PKD1L1: variants seen among roughly 807,000 people sequenced by gnomAD.
PKD1L1 encodes the protein polycystin-1-like protein 1.
PKD1L1 carries 236 observed loss-of-function variants against 323.4 expected under a neutral mutation model. The ratio of observed to expected loss-of-function variants is 0.73; its 90% CI spans 0.66 to 0.81. The LOEUF (loss-of-function observed/expected upper bound fraction) is 0.81. Ranked by LOEUF, PKD1L1 falls within the 40% of genes least tolerant of loss-of-function variation. The pLI is 0.00. For missense variants in PKD1L1, 3,320 were observed against 3,508.0 expected (o/e 0.95, Z 1.35); for synonymous variants, 1,344 against 1,335.0 (o/e 1.01, Z -0.15).
At chr7:47,837,300 G>A (rs894617985) in intron 36 of PKD1L1, among the ~76,000 whole-genome samples, 4 of 152,100 alleles carry the variant, frequency 2.6e-5, no homozygotes, top group Admixed American at 6.5e-5. Flanking sequence ...ATCCTGGCTG[G>A]TTAGCTGGGT....
In PKD1L1 at chr7:47,840,655, C is replaced by T. The variant is rs1229666452; in HGVS notation, c.5446-88G>A. 1 of 1,005,618 alleles carries T rather than the reference C, an allele frequency of 9.9e-7. No individual in the cohort carries two copies. Among genetic ancestry groups the T allele is most frequent in the Admixed American group, 1.9e-5 (1 of 52,692 alleles). The allele number at this position is 1,005,618 out of a possible 1,614,324, so 62.3% of individuals were successfully genotyped here. A position where few individuals can be genotyped will look rare whatever the true frequency, so the allele number is the denominator to read the frequency against. On this transcript the variant is annotated intron_variant, in intron 34 of 56. Coordinates refer to ENST00000289672, the MANE Select transcript of PKD1L1 (RefSeq NM_138295.5). The surrounding 1 kb of genome is among the most constrained non-coding windows in gnomAD (Gnocchi z 4.1). ...GGCAGGGCTTCCTCGCACTTTCTCC[C>T]AGCGTCCCACCCTTCCTCAAAACCA...
In PKD1L1 at chr7:47,943,399, CCCACAAT is replaced by C; in HGVS notation, c.150_156del (p.Leu51SerfsTer11). 1 of 1,612,730 alleles carries C rather than the reference CCCACAAT, an allele frequency of 6.2e-7. No individual in the cohort carries two copies. The highest frequency in any genetic ancestry group is 8.5e-7 in the Non-Finnish European group (1 of 1,179,170). On this transcript the variant is annotated frameshift_variant, in exon 2 of 57. Transcript: ENST00000289672. LOFTEE classifies it high-confidence loss of function. ...GCCTCCTTCCCCAAGGCCTTACCGACCCACAATCCACCTCCAGGAGGGCTACAGCTGC... is the reference window on the plus strand; with the variant it reads ...GCCTCCTTCCCCAAGGCCTTACCGACCCACCTCCAGGAGGGCTACAGCTGC...
chr7:47,906,671 A>C (rs1045995431), intron 9 of PKD1L1, among the ~76,000 whole-genome samples: 4 of 152,190 alleles, frequency 2.6e-5, no homozygotes, highest in Non-Finnish European at 5.9e-5. Flanking sequence ...AGGGTTATTT[A>C]TTATTACTAC....
Position 47,858,754 on chromosome 7 carries a change from C to T in PKD1L1, c.4281G>A (p.Trp1427Ter). 1 of 1,614,022 alleles carries T rather than the reference C, an allele frequency of 6.2e-7. No homozygotes were observed. The highest frequency in any genetic ancestry group is 8.5e-7 in the Non-Finnish European group (1 of 1,179,902). The change falls in exon 27 of 57, where the codon TGG becomes TGA. Residue 1427 changes from tryptophan to a stop codon, truncating the protein, a stop_gained. Coordinates refer to ENST00000289672, the MANE Select transcript of PKD1L1 (RefSeq NM_138295.5). LOFTEE classifies it high-confidence loss of function. ...TCGAGTTTTCTTGCTCAGAGACTTC[C>T]CAGACTCTGGATATGAGACCGATGA... ...LELIGLISRV[W>*]EVSEQENSKE...
chr7:47,950,342 T>C (rs980005322), upstream of PKD1L1, among the ~76,000 whole-genome samples: 5 of 152,154 alleles, frequency 3.3e-5, no homozygotes, highest in South Asian at 2.1e-4. Context: ...TGTGATGTTT[T>C]TGAAGCCAGC....
At chr7:47,868,735 C>T (rs1252716569) in intron 24 of PKD1L1, among the ~76,000 whole-genome samples, 5 of 152,034 alleles carry the variant, frequency 3.3e-5, no homozygotes, top group South Asian at 4.2e-4. Context: ...ATTAGCCAGG[C>T]GTCGTGGCAC....
In PKD1L1 at chr7:47,787,048, T is replaced by G. The variant is rs998911627; in HGVS notation, c.8526+5579A>C. Reference sequence around the variant, plus strand: ...TTCTAGTTTATAAAGATACAAATCTTAATTATTAATGGTTAAGATGAAGAA... The same window carrying G: ...TTCTAGTTTATAAAGATACAAATCTGAATTATTAATGGTTAAGATGAAGAA... On this transcript the variant is annotated intron_variant, in intron 56 of 56. Transcript: ENST00000289672. 1.4e-5 allele frequency among the ~76,000 whole-genome samples: 2 copies of G among 147,536 alleles called. 1 individual carries two copies. The highest frequency in any genetic ancestry group is 5.0e-5 in the African/African-American group (2 of 40,130).
At chr7:47,827,241 C>G in intron 45 of PKD1L1, 109 bp downstream of exon 45, 1 of 1,006,044 alleles carries the variant, frequency 9.9e-7, no homozygotes, top group Non-Finnish European at 1.4e-6. Context: ...CCTCCACTCC[C>G]CACTCCTCCA....
chr7:47,901,596 C>G (rs1321266009), intron 13 of PKD1L1, among the ~76,000 whole-genome samples: 1 of 152,216 alleles, frequency 6.6e-6, no homozygotes, highest in Non-Finnish European at 1.5e-5. Flanking sequence ...CCCCAGCACG[C>G]AGACCTGCCC....
In PKD1L1 at chr7:47,884,805, T is replaced by C. The variant is rs557160535; in HGVS notation, c.3206-148A>G. 4.1e-6 allele frequency: 3 copies of C among 724,452 alleles called. No homozygotes were observed. The East Asian group carries it at 8.1e-5, about 20-fold the overall frequency. 44.9% of individuals were successfully genotyped at this position (724,452 alleles called of 1,614,324 possible). On this transcript the variant is annotated intron_variant, in intron 18 of 56. Coordinates refer to ENST00000289672, the MANE Select transcript of PKD1L1 (RefSeq NM_138295.5). ...GTGGATTACAAAATACCCTCAGTGG[T>C]GGTGTCTTCCCTCACTCATGACAGC...
intron 34 of PKD1L1, 37 bp downstream of exon 34, chr7:47,842,925 G>A (rs910931856): frequency 1.8e-5 from 28 of 1,571,446 alleles, no homozygotes; most frequent in Non-Finnish European, 2.4e-5. Flanking sequence ...ACACTGCTTA[G>A]ACACCATCAA....
At chr7:47,867,160 AT>A (rs1344009652) in intron 24 of PKD1L1, among the ~76,000 whole-genome samples, 1 of 152,140 alleles carries the variant, frequency 6.6e-6, no homozygotes, top group Non-Finnish European at 1.5e-5. Context: ...TAAAATAGAA[AT>A]TTTCATCTGG....
intron 36 of PKD1L1, among the ~76,000 whole-genome samples, chr7:47,837,867 G>A (rs758895947): frequency 2.0e-5 from 3 of 152,164 alleles, no homozygotes; most frequent in Admixed American, 1.3e-4. Context: ...GCACAGAAGC[G>A]AATGCCAGAA....
chr7:47,797,590 C>G (rs1784571712), intron 54 of PKD1L1, among the ~76,000 whole-genome samples: 1 of 152,228 alleles, frequency 6.6e-6, no homozygotes, highest in African/African-American at 2.4e-5. Flanking sequence ...CTGCCTGTCT[C>G]AGAAGATAGC....
At chr7:47,777,173 C>T (rs573294843) in intron 56 of PKD1L1, among the ~76,000 whole-genome samples, 8 of 152,244 alleles carry the variant, frequency 5.3e-5, no homozygotes, top group African/African-American at 9.6e-5. Flanking sequence ...ATTACAGGCG[C>T]GAGCCACCAC....
At chr7:47,898,542 A>G (rs938910671) in intron 13 of PKD1L1, among the ~76,000 whole-genome samples, 9 of 152,136 alleles carry the variant, frequency 5.9e-5, no homozygotes, top group African/African-American at 2.2e-4. Flanking sequence ...TATAAATGTT[A>G]TGCTTCTGGG....
At position 47,877,485 on chromosome 7, in the gene PKD1L1, G is replaced by C. The variant is rs374130320; in HGVS notation, c.3663+4C>G. 9 of 1,613,516 alleles carry C rather than the reference G, an allele frequency of 5.6e-6. No individual in the cohort carries two copies. The East Asian group carries it at 1.3e-4, about 24-fold the overall frequency. On this transcript the variant is annotated splice_donor_region_variant and intron_variant, in intron 22 of 56. Coordinates refer to ENST00000289672, the MANE Select transcript of PKD1L1 (RefSeq NM_138295.5). ...TCAGGACAGACATGGGGTTGTCCAC[G>C]TACCGGTTTTCCAGACATGCAGAAG...
rs1159824839 is a variant in PKD1L1 at position 47,885,716 on chromosome 7, G to A, written c.3175C>T (p.Pro1059Ser). ...AGGTGAGGGTCAGGGCTGTGGGTGG[G>A]CTGACTTCTCTCAGAGCGGCCAGTC... ...LMTGRSERSQ[P>S]THSPDPHLSD... Residue 1059 changes from proline to serine, a missense_variant, in exon 18 of 57, where the codon CCC (proline) becomes TCC (serine). Coordinates refer to ENST00000289672, the MANE Select transcript of PKD1L1 (RefSeq NM_138295.5). 1.9e-6 allele frequency: 3 copies of A among 1,613,756 alleles called. No individual in the cohort carries two copies. The highest frequency in any genetic ancestry group is 2.5e-6 in the Non-Finnish European group (3 of 1,179,888).
Position 47,890,534 on chromosome 7 carries a change from T to A in PKD1L1, c.2675+8A>T. ...GAGCTGAGCTGTGCTGAATACAGGGTCAGGTACCTGAACGCCGAGTCAGGG... is the reference window on the plus strand; with the variant it reads ...GAGCTGAGCTGTGCTGAATACAGGGACAGGTACCTGAACGCCGAGTCAGGG... On this transcript the variant is annotated splice_region_variant and intron_variant, in intron 16 of 56. Coordinates refer to ENST00000289672, the MANE Select transcript of PKD1L1 (RefSeq NM_138295.5). The A allele has an allele frequency of 6.2e-7, 1 of 1,613,180 alleles. No individual in the cohort carries two copies. Among genetic ancestry groups the A allele is most frequent in the Non-Finnish European group, 8.5e-7 (1 of 1,179,534 alleles).
Sources: gnomAD v4.1 joint callset for allele counts (sites outside exome capture counted in the v4.1 genomes callset) on GRCh38, gnomAD v4.1.1 for gene constraint, Gnocchi (gnomAD v3.1) non-coding constraint, MANE v1.5 for transcripts, NCBI Gene and HGNC (gene_info 2026-07-23, HGNC 2026-07-21) for gene names.